Variants in VAT1L observed in about 807,000 individuals in gnomAD.
The protein encoded by VAT1L is putative NADPH-dependent quinone oxidoreductase VAT1L.
In VAT1L, 34 loss-of-function variants were observed where a neutral mutation model predicts 44.1. The observed-to-expected ratio is 0.77, with a 90% CI of 0.59 to 1.03. VAT1L has a LOEUF of 1.03. Among genes scored for constraint, VAT1L ranks in the 50% least tolerant of loss-of-function variants. The probability of loss-of-function intolerance (pLI) is 0.00; values close to 1 mark genes in which losing one functional copy is unlikely to be tolerated. For missense variants in VAT1L, 615 were observed against 538.8 expected, an observed-to-expected ratio of 1.14 and a Z score of -1.40; for synonymous variants, 253 against 202.2, an observed-to-expected ratio of 1.25 and a Z score of -2.13.
At chr16:77,863,923 G>A (rs1462334428) in intron 4 of VAT1L, among the ~76,000 whole-genome samples, 1 of 152,204 alleles carries the variant, frequency 6.6e-6, no homozygotes, top group Non-Finnish European at 1.5e-5. Context: ...ATTGATTTGA[G>A]TTTTGAACAA....
chr16:77,927,156 G>C (rs1597102717), intron 7 of VAT1L, among the ~76,000 whole-genome samples: 1 of 151,880 alleles, frequency 6.6e-6, no homozygotes, highest in African/African-American at 2.4e-5. Context: ...GGCTAACATG[G>C]TGAAATCTCA....
chr16:77,887,106 GA>G (rs2017217152), intron 7 of VAT1L, among the ~76,000 whole-genome samples: 1 of 152,186 alleles, frequency 6.6e-6, no homozygotes, highest in East Asian at 1.9e-4. Flanking sequence ...GCTGGAACAT[GA>G]AAGAGGCAAG....
At chr16:77,897,439 G>A (rs1471524596) in intron 7 of VAT1L, among the ~76,000 whole-genome samples, 2 of 152,102 alleles carry the variant, frequency 1.3e-5, no homozygotes, top group African/African-American at 4.8e-5. Flanking sequence ...GATTGGATGG[G>A]GGCAAATTCT....
intron 7 of VAT1L, among the ~76,000 whole-genome samples, chr16:77,910,312 C>T (rs1035357836): frequency 1.3e-5 from 2 of 152,170 alleles, no homozygotes; most frequent in Non-Finnish European, 2.9e-5. Context: ...ACGAGCCTCT[C>T]AGGATATGTT....
At chr16:77,916,732 G>A (rs1007743757) in intron 7 of VAT1L, among the ~76,000 whole-genome samples, 8 of 150,846 alleles carry the variant, frequency 5.3e-5, no homozygotes, top group African/African-American at 1.5e-4. Flanking sequence ...TGCTGGAATC[G>A]TCTTTTGTCA....
chr16:77,843,894 G>T (rs2016732138), intron 3 of VAT1L, among the ~76,000 whole-genome samples: 1 of 152,214 alleles, frequency 6.6e-6, no homozygotes, highest in Non-Finnish European at 1.5e-5. Context: ...AGACCAACCT[G>T]CCTCTGCCTT....
chr16:77,964,871 G>T (rs982092584), intron 7 of VAT1L, among the ~76,000 whole-genome samples: 2 of 138,184 alleles, frequency 1.4e-5, no homozygotes, highest in Non-Finnish European at 3.0e-5. Context: ...TCAGCTCACC[G>T]CAACTTCCGC....
chr16:77,891,429 A>G (rs1311701670), intron 7 of VAT1L, among the ~76,000 whole-genome samples: 2 of 152,248 alleles, frequency 1.3e-5, no homozygotes, highest in African/African-American at 4.8e-5. Flanking sequence ...CAGCACAGCT[A>G]TAGAACTGTT....
At chr16:77,933,914 G>C (rs1162615877) in intron 7 of VAT1L, among the ~76,000 whole-genome samples, 1 of 152,178 alleles carries the variant, frequency 6.6e-6, no homozygotes, top group Non-Finnish European at 1.5e-5. Context: ...CGGGAATCTG[G>C]AAAATTTCTA....
Position 77,884,654 on chromosome 16 carries a change from A to G in VAT1L, c.929A>G (p.Asn310Ser), listed in dbSNP as rs773100709. ...AACCCCATCAAGCTGTATGAGGAGAACAAAGTCATCGCGGGGTTTTCCCTT... is the reference window on the plus strand; with the variant it reads ...AACCCCATCAAGCTGTATGAGGAGAGCAAAGTCATCGCGGGGTTTTCCCTT... ...KVNPIKLYEE[N>S]KVIAGFSLLN... Residue 310 changes from asparagine to serine, a missense_variant, in exon 7 of 9, where the codon AAC becomes AGC. Transcript: ENST00000302536. This position sits in a 1 kb window ranked among gnomAD's most constrained non-coding sequence, Gnocchi z 4.5. 6 of 1,613,648 alleles carry G rather than the reference A, an allele frequency of 3.7e-6. No homozygotes were observed. The South Asian group carries it at 6.6e-5, about 18-fold the overall frequency.
At chr16:77,923,394 G>A (rs984372759) in intron 7 of VAT1L, among the ~76,000 whole-genome samples, 1 of 152,182 alleles carries the variant, frequency 6.6e-6, no homozygotes, top group African/African-American at 2.4e-5. Flanking sequence ...AGGTTGCAGT[G>A]AGCCAAGATC....
chr16:77,864,679 G>C (rs1271255966), intron 4 of VAT1L, among the ~76,000 whole-genome samples: 1 of 152,184 alleles, frequency 6.6e-6, no homozygotes, highest in African/African-American at 2.4e-5. Context: ...TGGGAGAGCT[G>C]GTTATTTGAG....
intron 3 of VAT1L, among the ~76,000 whole-genome samples, chr16:77,850,633 G>A (rs988366740): frequency 2.6e-5 from 4 of 152,224 alleles, no homozygotes; most frequent in African/African-American, 4.8e-5. Flanking sequence ...AGTTTGAGTC[G>A]TTTGGTTTTT....
intron 7 of VAT1L, among the ~76,000 whole-genome samples, chr16:77,908,915 A>T (rs960874708): frequency 3.3e-5 from 5 of 152,294 alleles, no homozygotes; most frequent in African/African-American, 1.2e-4. Context: ...CCCCGTCTTA[A>T]AAACAAAATA....
At chr16:77,877,534 A>C (rs1348618480) in intron 5 of VAT1L, among the ~76,000 whole-genome samples, 3 of 122,108 alleles carry the variant, frequency 2.5e-5, no homozygotes, top group Admixed American at 8.6e-5. Flanking sequence ...AAAAAAAAAA[A>C]AAAAAAAAAC....
intron 7 of VAT1L, among the ~76,000 whole-genome samples, chr16:77,916,920 T>G (rs1049675003): frequency 1.3e-5 from 2 of 152,106 alleles, no homozygotes; most frequent in African/African-American, 4.8e-5. Context: ...GTAATATTAG[T>G]CATTTTCACA....
intron 1 of VAT1L, among the ~76,000 whole-genome samples, chr16:77,807,968 T>G (rs1370221629): frequency 6.6e-6 from 1 of 152,086 alleles, no homozygotes; most frequent in African/African-American, 2.4e-5. Flanking sequence ...ATGGTTATAT[T>G]GTACATTAGC....
At chr16:77,957,899 C>T (rs987152853) in intron 7 of VAT1L, among the ~76,000 whole-genome samples, 3 of 151,582 alleles carry the variant, frequency 2.0e-5, no homozygotes, top group African/African-American at 7.3e-5. Context: ...AGCAATATTT[C>T]CTTGGGTTAT....
chr16:77,956,182 T>A lies in VAT1L; in HGVS notation c.1078-15668T>A, dbSNP rs556624858. On this transcript the variant is annotated intron_variant, in intron 7 of 8. Coordinates refer to ENST00000302536, the MANE Select transcript of VAT1L (RefSeq NM_020927.3). Reference sequence around the variant, plus strand: ...TGCATGCCTGTATCAAAACATCTCATGTACCCCATAAATATACATACTTAC... The same window carrying A: ...TGCATGCCTGTATCAAAACATCTCAAGTACCCCATAAATATACATACTTAC... Among the ~76,000 whole-genome samples the A allele has an allele frequency of 6.6e-5, 10 of 152,316 alleles. No homozygotes were observed. In the East Asian group the frequency reaches 1.7e-3, roughly 26 times the overall value.
Sources: allele counts gnomAD v4.1 joint callset (sites outside exome capture counted in the v4.1 genomes callset), GRCh38; gene constraint gnomAD v4.1.1; non-coding constraint Gnocchi (gnomAD v3.1); transcripts MANE v1.5; gene names NCBI Gene and HGNC (gene_info 2026-07-23, HGNC 2026-07-21).